The following PRR14L variants were observed in gnomAD, a reference collection of about 807,000 sequenced individuals.
The protein encoded by PRR14L is protein PRR14L.
PRR14L carries 80 observed loss-of-function variants against 155.0 expected under a neutral mutation model. The observed-to-expected ratio is 0.52, with a 90% CI of 0.43 to 0.62. The LOEUF (loss-of-function observed/expected upper bound fraction) is 0.62, where lower values mean the gene tolerates loss of function less well. Ranked by LOEUF, PRR14L falls within the 20% of genes least tolerant of loss-of-function variation. The pLI is 0.00. For missense variants in PRR14L, 2,469 were observed against 2,548.0 expected (o/e 0.97, Z 0.67); for synonymous variants, 883 against 916.0 (o/e 0.96, Z 0.65).
intron 7 of PRR14L, among the ~76,000 whole-genome samples, chr22:31,697,997 T>C (rs1033679004): frequency 6.6e-6 from 1 of 152,056 alleles, no homozygotes; most frequent in African/African-American, 2.4e-5. Context: ...TCAATTCATA[T>C]AATGAAATAT....
Position 31,685,365 on chromosome 22 carries a change from T to C in PRR14L, c.*162A>G. ...CACCAGTTTCTAAAAAGGTTGCACC[T>C]TGAAATAGGTAAAAATTCATGGACT... On this transcript the variant is annotated 3_prime_UTR_variant, in exon 9 of 9. Coordinates refer to ENST00000327423, the MANE Select transcript of PRR14L (RefSeq NM_173566.3). 1 of 627,454 alleles carries C rather than the reference T, an allele frequency of 1.6e-6. No individual in the cohort carries two copies. Among genetic ancestry groups the C allele is most frequent in the South Asian group, 2.1e-5 (1 of 47,468 alleles). 38.9% of individuals were successfully genotyped at this position (627,454 alleles called of 1,614,324 possible).
At position 31,715,764 on chromosome 22, in the gene PRR14L, G is replaced by A; in HGVS notation, c.2075C>T (p.Pro692Leu). The change falls in exon 4 of 9, where the codon CCT (proline) becomes CTT (leucine). Residue 692 changes from proline (P) to leucine (L), a missense_variant. By Grantham distance (98) the Pro-to-Leu change is moderately conservative. Transcript: ENST00000327423. ...TGRDAHQSHH[P>L]PLEGRADVIA... ...GACATCTGCTCTACCCTCTAATGGA[G>A]GGTGATGGCTCTGATGGGCATCTCT... is the stretch of plus-strand genomic sequence containing the variant. The A allele has an allele frequency of 6.4e-7, 1 of 1,551,910 alleles. No homozygotes were observed. The highest frequency in any genetic ancestry group is 8.7e-7 in the Non-Finnish European group (1 of 1,146,960).
In PRR14L at chr22:31,738,771, T is replaced by C. The variant is rs1443293515; in HGVS notation, c.90A>G (p.Val30=). 4 of 1,551,908 alleles carry C rather than the reference T, an allele frequency of 2.6e-6. No individual in the cohort carries two copies. In the Admixed American group the frequency reaches 5.9e-5, roughly 23 times the overall value. Residue 30 remains valine (V), a synonymous_variant, in exon 2 of 9, where the codon GTA becomes GTG. Coordinates refer to ENST00000327423, the MANE Select transcript of PRR14L (RefSeq NM_173566.3). ...CAGCATGAAGCTCTCTGGAGACACT[T>C]ACTGGGAGTTCAGAGTATAATTCCT... ...VVQELYSELP[V]SVSRELHADP...
intron 3 of PRR14L, among the ~76,000 whole-genome samples, chr22:31,717,694 A>T (rs1483600488): frequency 6.6e-6 from 1 of 152,222 alleles, no homozygotes; most frequent in East Asian, 1.9e-4. Flanking sequence ...AGTACTTGAA[A>T]TTAGATGTCA....
In PRR14L at chr22:31,716,710, T is replaced by C. The variant is rs1569499047; in HGVS notation, c.1129A>G (p.Thr377Ala). ...GGLLKRSAEK[T>A]DSSYFYRGDD... ...CCCCTATAAAAATAAGAACTGTCTG[T>C]CTTTTCAGCAGATCTCTTTAGCAAA... Residue 377 changes from threonine (T) to alanine (A), a missense_variant, in exon 4 of 9, where the codon ACA (threonine) becomes GCA (alanine). By Grantham distance (58) the Thr-to-Ala change is moderately conservative. Coordinates refer to ENST00000327423, the MANE Select transcript of PRR14L (RefSeq NM_173566.3). The C allele has an allele frequency of 2.6e-6, 4 of 1,551,686 alleles. No homozygotes were observed. In the South Asian group the frequency reaches 4.8e-5, roughly 18 times the overall value.
chr22:31,748,651 G>A (rs977631646), intron 1 of PRR14L, among the ~76,000 whole-genome samples: 3 of 152,174 alleles, frequency 2.0e-5, no homozygotes, highest in African/African-American at 7.2e-5. Flanking sequence ...CCACTTGGGG[G>A]GGTGGGAAGG....
Position 31,719,866 on chromosome 22 carries a change from A to T in PRR14L, c.548-2575T>A, listed in dbSNP as rs1009693105. Among the ~76,000 whole-genome samples, 3 of 151,844 alleles carry T rather than the reference A, an allele frequency of 2.0e-5. No individual in the cohort carries two copies. The East Asian group carries it at 5.8e-4, about 29-fold the overall frequency. ...ATCCTCTCACCTCCGCCTCCCAAGGAGCTGGGACTGTAGGCACACGCCACC... is the reference window on the plus strand; with the variant it reads ...ATCCTCTCACCTCCGCCTCCCAAGGTGCTGGGACTGTAGGCACACGCCACC... On this transcript the variant is annotated intron_variant, in intron 3 of 8. Transcript: ENST00000327423.
At chr22:31,711,942 C>A in intron 4 of PRR14L, 141 bp downstream of exon 4, 1 of 769,254 alleles carries the variant, frequency 1.3e-6, no homozygotes, top group Non-Finnish European at 2.0e-6. Flanking sequence ...TTTTTCTCAG[C>A]AGAGATTTCG....
At chr22:31,747,094 G>A (rs547715099) in intron 1 of PRR14L, among the ~76,000 whole-genome samples, 2 of 150,792 alleles carry the variant, frequency 1.3e-5, no homozygotes, top group African/African-American at 2.4e-5. Flanking sequence ...GTGAGCCACC[G>A]CGCCTGACCC....
chr22:31,706,486 G>A (rs187514816), intron 4 of PRR14L, among the ~76,000 whole-genome samples: 109 of 148,460 alleles, frequency 7.3e-4, no homozygotes, highest in African/African-American at 2.6e-3. Context: ...GTGCAGTGGC[G>A]CGATCTCATC....
At chr22:31,689,985 C>T (rs542349659) in intron 7 of PRR14L, among the ~76,000 whole-genome samples, 6 of 151,718 alleles carry the variant, frequency 4.0e-5, no homozygotes, top group Admixed American at 2.0e-4. Context: ...TGTGCAATCT[C>T]GGCTCACTGC....
At chr22:31,701,948 C>T (rs1165941133) in intron 6 of PRR14L, among the ~76,000 whole-genome samples, 186 bp from the exon 7 acceptor site, 1 of 152,102 alleles carries the variant, frequency 6.6e-6, no homozygotes, top group Non-Finnish European at 1.5e-5. Flanking sequence ...GCTGGGGTTA[C>T]AAGTATAAGC....
intron 6 of PRR14L, among the ~76,000 whole-genome samples, chr22:31,703,222 C>A (rs1421419780): frequency 2.0e-5 from 3 of 152,198 alleles, no homozygotes; most frequent in African/African-American, 7.2e-5. Flanking sequence ...CTGTTGAAGA[C>A]AACAGACGTT....
intron 7 of PRR14L, among the ~76,000 whole-genome samples, chr22:31,695,980 CG>C (rs1292380642): frequency 6.6e-6 from 1 of 152,016 alleles, no homozygotes; most frequent in Admixed American, 6.6e-5. Flanking sequence ...TGAACCAATA[CG>C]TAATACTAAG....
intron 7 of PRR14L, among the ~76,000 whole-genome samples, chr22:31,700,825 A>C (rs552721875): frequency 6.6e-6 from 1 of 151,040 alleles, no homozygotes; most frequent in East Asian, 2.0e-4. Context: ...AAGTGCTGGG[A>C]TTACAGGCGT....
chr22:31,728,080 G>A (rs564020141), intron 2 of PRR14L, among the ~76,000 whole-genome samples: 3 of 152,232 alleles, frequency 2.0e-5, no homozygotes, highest in East Asian at 3.9e-4. Flanking sequence ...TACCATGGTG[G>A]TGGGCAACCT....
chr22:31,699,935 A>G (rs765696812), intron 7 of PRR14L, among the ~76,000 whole-genome samples: 1 of 151,840 alleles, frequency 6.6e-6, no homozygotes, highest in Non-Finnish European at 1.5e-5. Flanking sequence ...TCCTAGGTTT[A>G]GGCAAAGATT....
chr22:31,718,874 G>A (rs2074674969), intron 3 of PRR14L, among the ~76,000 whole-genome samples: 1 of 151,976 alleles, frequency 6.6e-6, no homozygotes, highest in African/African-American at 2.4e-5. Context: ...AGGAGTTCAA[G>A]ACTAGCCTGG....
At position 31,713,228 on chromosome 22, in the gene PRR14L, A is replaced by C. The variant is rs2074633733; in HGVS notation, c.4611T>G (p.Val1537=). The change falls in exon 4 of 9, where the codon GTT becomes GTG. Residue 1537 remains valine, a synonymous_variant. Coordinates refer to ENST00000327423, the MANE Select transcript of PRR14L (RefSeq NM_173566.3). ...TTCTGATTTTACCTATTTTTCTCCC[A>C]ACAATGATTTGCTCCTGATAGGAAA... ...KKVSYQEQII[V]GRKIGKIRSS... is the part of the protein sequence containing the mutation. 1 of 1,551,830 alleles carries C rather than the reference A, an allele frequency of 6.4e-7. No individual in the cohort carries two copies. The highest frequency in any genetic ancestry group is 1.2e-5 in the South Asian group (1 of 84,066).
Sources: gnomAD v4.1 joint callset for allele counts (sites outside exome capture counted in the v4.1 genomes callset) on GRCh38, gnomAD v4.1.1 for gene constraint, MANE v1.5 for transcripts, NCBI Gene and HGNC (gene_info 2026-07-23, HGNC 2026-07-21) for gene names.